Variants in EIF2S1 observed in about 807,000 individuals in gnomAD.
EIF2S1 encodes eukaryotic translation initiation factor 2 subunit 1.
Under a neutral mutation model 33.5 loss-of-function variants are expected in EIF2S1, and 5 were observed. The observed-to-expected ratio is 0.15, with a 90% CI of 0.08 to 0.31. The LOEUF is 0.31. Ranked by LOEUF, EIF2S1 falls within the 10% of genes least tolerant of loss-of-function variation. The pLI, the probability that EIF2S1 is intolerant of heterozygous loss-of-function variation, is 1.00. For synonymous variants in EIF2S1, 99 were observed against 127.5 expected, an observed-to-expected ratio of 0.78 and a Z score of 1.51; for missense variants, 191 against 384.6, an observed-to-expected ratio of 0.50 and a Z score of 4.21.
intron 3 of EIF2S1, 26 bp downstream of exon 3, chr14:67,374,573 G>T: frequency 6.9e-7 from 1 of 1,454,040 alleles, no homozygotes; most frequent in South Asian, 1.2e-5. Flanking sequence ...AGTCAAATTA[G>T]TCCACTATCT....
At chr14:67,365,431 T>A (rs1267705536) in intron 2 of EIF2S1, among the ~76,000 whole-genome samples, 1 of 152,232 alleles carries the variant, frequency 6.6e-6, no homozygotes, top group Non-Finnish European at 1.5e-5. Flanking sequence ...ATTTTAGGGA[T>A]CTTTTATATA....
At chr14:67,369,855 C>T (rs2085807491) in intron 2 of EIF2S1, among the ~76,000 whole-genome samples, 2 of 152,192 alleles carry the variant, frequency 1.3e-5, no homozygotes, top group African/African-American at 2.4e-5. Flanking sequence ...GAGACCAGCT[C>T]TGTTGGGGAG....
intron 2 of EIF2S1, among the ~76,000 whole-genome samples, chr14:67,369,305 T>C (rs1357359790): frequency 2.0e-5 from 3 of 152,244 alleles, no homozygotes; most frequent in Non-Finnish European, 2.9e-5. Context: ...AGGGTCAATT[T>C]GTTAGAAGGA....
At chr14:67,367,165 ACC>A (rs1202686107) in intron 2 of EIF2S1, among the ~76,000 whole-genome samples, 1 of 152,190 alleles carries the variant, frequency 6.6e-6, no homozygotes, top group African/African-American at 2.4e-5. Flanking sequence ...TCAGTTGCTT[ACC>A]ATCTGGGGAG....
intron 1 of EIF2S1, among the ~76,000 whole-genome samples, chr14:67,362,732 G>A (rs2085751179): frequency 6.6e-6 from 1 of 152,062 alleles, no homozygotes; most frequent in East Asian, 1.9e-4. Context: ...CGATATTGCG[G>A]AATGATTTTT....
chr14:67,365,215 T>G (rs535027089), intron 2 of EIF2S1, among the ~76,000 whole-genome samples: 16 of 152,340 alleles, frequency 1.1e-4, no homozygotes, highest in African/African-American at 3.8e-4. Flanking sequence ...CATCCTAGGA[T>G]TTTATGGATC....
At chr14:67,366,665 C>G (rs2141129998) in intron 2 of EIF2S1, among the ~76,000 whole-genome samples, 1 of 152,252 alleles carries the variant, frequency 6.6e-6, no homozygotes, top group South Asian at 2.1e-4. Context: ...TGCAAAAGAG[C>G]CTGTAGAGAG....
chr14:67,371,024 CA>C (rs1555346393), intron 2 of EIF2S1, among the ~76,000 whole-genome samples: 1 of 151,012 alleles, frequency 6.6e-6, no homozygotes, highest in Non-Finnish European at 1.5e-5. Context: ...GACCCTGTCT[CA>C]AAAAAAAGGA....
chr14:67,361,376 T>C (rs2085739344), intron 1 of EIF2S1, among the ~76,000 whole-genome samples: 1 of 152,234 alleles, frequency 6.6e-6, no homozygotes, highest in Non-Finnish European at 1.5e-5. Flanking sequence ...TGCCAAAAGA[T>C]GTAGTTGTCT....
chr14:67,373,043 A>G (rs1025224986), intron 2 of EIF2S1, among the ~76,000 whole-genome samples: 1 of 152,220 alleles, frequency 6.6e-6, no homozygotes, highest in African/African-American at 2.4e-5. Context: ...TTTAAAAATC[A>G]ATTGAGAGAC....
At chr14:67,377,791 A>T (rs1226416512) in intron 4 of EIF2S1, among the ~76,000 whole-genome samples, 1 of 152,132 alleles carries the variant, frequency 6.6e-6, no homozygotes, top group Non-Finnish European at 1.5e-5. Flanking sequence ...CTCTTGGAGC[A>T]AACACTGCGT....
intron 1 of EIF2S1, among the ~76,000 whole-genome samples, chr14:67,361,652 C>T (rs2141122882): frequency 6.6e-6 from 1 of 152,318 alleles, no homozygotes; most frequent in East Asian, 1.9e-4. Flanking sequence ...TACCATTTGT[C>T]ATGCAAAATA....
At chr14:67,362,166 C>T (rs373546852) in intron 1 of EIF2S1, among the ~76,000 whole-genome samples, 10 of 151,712 alleles carry the variant, frequency 6.6e-5, no homozygotes, top group African/African-American at 2.4e-4. Flanking sequence ...ATTACAGGTG[C>T]CTGCCACCAC....
At chr14:67,381,747 C>A (rs2085888857) in intron 6 of EIF2S1, 57 bp downstream of exon 6, 34 of 1,139,856 alleles carry the variant, frequency 3.0e-5, no homozygotes, top group Non-Finnish European at 4.1e-5. Context: ...CAAATAGGAT[C>A]TTTGATCTTT....
chr14:67,382,396 T>C (rs760068720), intron 6 of EIF2S1, 51 bp from the exon 7 acceptor site: 1 of 1,515,262 alleles, frequency 6.6e-7, no homozygotes, highest in Non-Finnish European at 9.0e-7. Flanking sequence ...TCCTAATAGT[T>C]GTGGGTTCTG....
Position 67,375,563 on chromosome 14 carries a change from A to T in EIF2S1, c.322-876A>T, listed in dbSNP as rs186099702. On this transcript the variant is annotated intron_variant, in intron 3 of 7. Coordinates refer to ENST00000256383, the MANE Select transcript of EIF2S1 (RefSeq NM_004094.5). ...AAAAAAGTTTCAATGAAGAGATTTT[A>T]AAAAATCTTGCTTAATCCCAGTAAG... is the stretch of plus-strand genomic sequence containing the variant. Among the ~76,000 whole-genome samples, 333 of 151,834 alleles carry T rather than the reference A, an allele frequency of 2.2e-3. 1 individual carries two copies. The highest frequency in any genetic ancestry group is 7.7e-3 in the African/African-American group (320 of 41,342).
At chr14:67,376,092 TAAC>T (rs1417107115) in intron 3 of EIF2S1, among the ~76,000 whole-genome samples, 7 of 152,226 alleles carry the variant, frequency 4.6e-5, no homozygotes, top group African/African-American at 1.4e-4. Flanking sequence ...GGAGTAATAA[TAAC>T]AACTTGTATT....
At chr14:67,380,019 A>G (rs2085879582) in intron 4 of EIF2S1, among the ~76,000 whole-genome samples, 1 of 152,076 alleles carries the variant, frequency 6.6e-6, no homozygotes, top group South Asian at 2.1e-4. Flanking sequence ...AGCCTCCCAA[A>G]GTGCTGGGAT....
chr14:67,374,339 G>A, intron 2 of EIF2S1, 129 bp from the exon 3 acceptor site: 1 of 504,980 alleles, frequency 2.0e-6, no homozygotes, highest in Non-Finnish European at 3.5e-6. Context: ...GCAGTATTTT[G>A]TTGATAGGAT....
Sources: allele counts gnomAD v4.1 joint callset (sites outside exome capture counted in the v4.1 genomes callset), GRCh38; gene constraint gnomAD v4.1.1; transcripts MANE v1.5; gene names NCBI Gene and HGNC (gene_info 2026-07-23, HGNC 2026-07-21).